The following DES variants were observed in gnomAD, a reference collection of about 807,000 sequenced individuals.
The protein encoded by DES is cardiomyopathy, dilated 1F (autosomal dominant).
Under a neutral mutation model 55.1 loss-of-function variants are expected in DES, and 34 were observed. The observed-to-expected ratio is 0.62, with a 90% CI of 0.47 to 0.82. DES has a LOEUF of 0.82. Among genes scored for constraint, DES ranks in the 40% least tolerant of loss-of-function variants. The pLI, the probability that DES is intolerant of heterozygous loss-of-function variation, is 0.00. For synonymous variants in DES, 259 were observed against 270.8 expected, an observed-to-expected ratio of 0.96 and a Z score of 0.43; for missense variants, 596 against 645.9, an observed-to-expected ratio of 0.92 and a Z score of 0.84.
chr2:219,420,109 T>C lies in DES; in HGVS notation c.593T>C (p.Ile198Thr), dbSNP rs773271116. Residue 198 changes from isoleucine (I) to threonine (T), a missense_variant, in exon 2 of 9, where the codon ATT becomes ACT. Ile to Thr is a moderately conservative substitution (Grantham distance 89). Transcript: ENST00000373960. The surrounding 1 kb of genome is among the most constrained non-coding windows in gnomAD (Gnocchi z 6.0). ...GTCCCACCCAGGCTGCAGGAGGAGA[T>C]TCAGTTGAAGGAAGAAGCAGAGAAC... is the stretch of plus-strand genomic sequence containing the variant. ...QRLKAKLQEE[I>T]QLKEEAENNL... The C allele has an allele frequency of 2.5e-6, 4 of 1,614,082 alleles. No homozygotes were observed. The East Asian group carries it at 6.7e-5, about 27-fold the overall frequency.
At position 219,426,215 on chromosome 2, in the gene DES, G is replaced by A; in HGVS notation, c.*225G>A. 1 of 648,586 alleles carries A rather than the reference G, an allele frequency of 1.5e-6. No homozygotes were observed. The highest frequency in any genetic ancestry group is 1.8e-5 in the South Asian group (1 of 56,978). 40.2% of individuals were successfully genotyped at this position (648,586 alleles called of 1,614,324 possible). A position where few individuals can be genotyped will look rare whatever the true frequency, so the allele number is the denominator to read the frequency against. On this transcript the variant is annotated 3_prime_UTR_variant, in exon 9 of 9. Coordinates refer to ENST00000373960, the MANE Select transcript of DES (RefSeq NM_001927.4). The surrounding 1 kb of genome is among the most constrained non-coding windows in gnomAD (Gnocchi z 4.5). ...CCACCTCTGCGGACCCCAGCTGTGA[G>A]CCTTGGCTGTTGGCAGTGAGTGAGC... is the stretch of plus-strand genomic sequence containing the variant.
chr2:219,419,994 CG>C lies in DES; in HGVS notation c.579-100del, dbSNP rs1954403146. 3 of 1,266,138 alleles carry C rather than the reference CG, an allele frequency of 2.4e-6. No individual in the cohort carries two copies. In the Admixed American group the frequency reaches 5.1e-5, roughly 22 times the overall value. 78.4% of individuals were successfully genotyped at this position (1,266,138 alleles called of 1,614,324 possible). On this transcript the variant is annotated intron_variant, in intron 1 of 8. Transcript: ENST00000373960. The surrounding 1 kb of genome is among the most constrained non-coding windows in gnomAD (Gnocchi z 4.3). ...CCTCTACCCAGCAGCCAGGCCCTCC[CG>C]CTCTGTCCTGGACCCACCCCCTGGT...
rs1954542809 is a variant in DES at position 219,426,600 on chromosome 2, G to A, written c.*610G>A. ...ATTGAGAAGGAGAGAAAGTGGGTGA[G>A]ATGCTGGAGAAGAGAGGAGAGGAGA... On this transcript the variant is annotated 3_prime_UTR_variant, in exon 9 of 9. Transcript: ENST00000373960. The surrounding 1 kb of genome is among the most constrained non-coding windows in gnomAD (Gnocchi z 4.5). 1 of 169,496 alleles carries A rather than the reference G, an allele frequency of 5.9e-6. No homozygotes were observed. Among genetic ancestry groups the A allele is most frequent in the Admixed American group, 5.5e-5 (1 of 18,190 alleles). 10.5% of individuals were successfully genotyped at this position (169,496 alleles called of 1,614,324 possible).
At chr2:219,421,309 T>C (rs764104303) in intron 5 of DES, 31 bp from the exon 6 acceptor site, 2 of 1,612,950 alleles carry the variant, frequency 1.2e-6, no homozygotes, top group Non-Finnish European at 1.7e-6. Flanking sequence ...TCCTCTTCCC[T>C]TCCTTGACCT....
Position 219,418,630 on chromosome 2 carries a change from G to A in DES, c.168G>A (p.Val56=), listed in dbSNP as rs761446587. 6.2e-7 allele frequency: 1 copy of A among 1,600,144 alleles called. No individual in the cohort carries two copies. Among genetic ancestry groups the A allele is most frequent in the Non-Finnish European group, 8.5e-7 (1 of 1,173,806 alleles). Residue 56 remains valine, a synonymous_variant, in exon 1 of 9, where the codon GTG becomes GTA. Transcript: ENST00000373960. ...SSSVTSRVYQ[V]SRTSGGAGGL... is the part of the protein sequence containing the mutation. ...CGGTGACGTCCCGCGTGTACCAGGT[G>A]TCGCGCACGTCGGGCGGGGCCGGGG...
In DES at chr2:219,418,471, G is replaced by A. The variant is rs1262196309; in HGVS notation, c.9G>A (p.Gln3=). 4 of 1,596,178 alleles carry A rather than the reference G, an allele frequency of 2.5e-6. No homozygotes were observed. The highest frequency in any genetic ancestry group is 3.4e-6 in the Non-Finnish European group (4 of 1,176,756). Residue 3 remains glutamine (Q), a synonymous_variant, in exon 1 of 9, where the codon CAG becomes CAA. Transcript: ENST00000373960. Reference sequence around the variant, plus strand: ...TCGCCCGCGCCGTCACCATGAGCCAGGCCTACTCGTCCAGCCAGCGCGTGT... The same window carrying A: ...TCGCCCGCGCCGTCACCATGAGCCAAGCCTACTCGTCCAGCCAGCGCGTGT... MS[Q]AYSSSQRVSS...
At position 219,420,673 on chromosome 2, in the gene DES, G is replaced by A. The variant is rs137945254; in HGVS notation, c.897+17G>A. 2.2e-5 allele frequency: 36 copies of A among 1,613,914 alleles called. No homozygotes were observed. Among genetic ancestry groups the A allele is most frequent in the Middle Eastern group, 1.7e-4 (1 of 6,060 alleles). On this transcript the variant is annotated intron_variant, in intron 4 of 8. Transcript: ENST00000373960. The surrounding 1 kb of genome is among the most constrained non-coding windows in gnomAD (Gnocchi z 6.0). ...AAGTCGAAGGTGGGTGGCCTCGCCCGGGGACTGGCATCTCCGTCCCCCTGA... is the reference window on the plus strand; with the variant it reads ...AAGTCGAAGGTGGGTGGCCTCGCCCAGGGACTGGCATCTCCGTCCCCCTGA...
chr2:219,424,546 A>G (rs1463819839), intron 7 of DES, among the ~76,000 whole-genome samples: 1 of 152,246 alleles, frequency 6.6e-6, no homozygotes, highest in African/African-American at 2.4e-5. Context: ...CACAACATTC[A>G]TCACAGGCTG....
At chr2:219,425,313 C>T (rs1405360218) in intron 7 of DES, 3 of 347,230 alleles carry the variant, frequency 8.6e-6, no homozygotes, top group Admixed American at 3.9e-5. Context: ...GTGCAGGGCT[C>T]TCCTGGGGCC....
Position 219,420,003 on chromosome 2 carries a change from C to G in DES, c.579-92C>G. The G allele has an allele frequency of 7.1e-7, 1 of 1,408,406 alleles. No homozygotes were observed. Among genetic ancestry groups the G allele is most frequent in the Non-Finnish European group, 1.0e-6 (1 of 995,106 alleles). The allele number at this position is 1,408,406 out of a possible 1,614,324, so 87.2% of individuals were successfully genotyped here. On this transcript the variant is annotated intron_variant, in intron 1 of 8. Coordinates refer to ENST00000373960, the MANE Select transcript of DES (RefSeq NM_001927.4). This position sits in a 1 kb window ranked among gnomAD's most constrained non-coding sequence, Gnocchi z 6.0. ...AGCAGCCAGGCCCTCCCGCTCTGTC[C>G]TGGACCCACCCCCTGGTCAGCCCCC...
rs1306876093 is a variant in DES, at chr2:219,420,719, C to T, written c.897+63C>T. On this transcript the variant is annotated intron_variant, in intron 4 of 8. Coordinates refer to ENST00000373960, the MANE Select transcript of DES (RefSeq NM_001927.4). The surrounding 1 kb of genome is among the most constrained non-coding windows in gnomAD (Gnocchi z 6.0). ...CCTGAATCCCAGCTTGGATGTGCTGCCTGTGGTACCATCCATGGGAGGAGA... is the reference window on the plus strand; with the variant it reads ...CCTGAATCCCAGCTTGGATGTGCTGTCTGTGGTACCATCCATGGGAGGAGA... 1.2e-6 allele frequency: 2 copies of T among 1,613,220 alleles called. No individual in the cohort carries two copies.
At chr2:219,421,076 G>A (rs1033944243) in intron 5 of DES, 123 bp downstream of exon 5, 1 of 1,403,172 alleles carries the variant, frequency 7.1e-7, no homozygotes, top group African/African-American at 1.4e-5. Context: ...TCTACAATAG[G>A]GGTAAAACCA....
Position 219,425,653 on chromosome 2 carries a change from CCT to C in DES, c.1289-9_1289-8del. ...TGGTCAGGCTGAGTGTGCGATGGAC[CCT>C]GTTACAGAAACCAGCCCTGAGCAAA... is the stretch of plus-strand genomic sequence containing the variant. On this transcript the variant is annotated splice_region_variant and splice_polypyrimidine_tract_variant and intron_variant, in intron 7 of 8. Coordinates refer to ENST00000373960, the MANE Select transcript of DES (RefSeq NM_001927.4). The C allele has an allele frequency of 6.4e-7, 1 of 1,564,946 alleles. No homozygotes were observed. Among genetic ancestry groups the C allele is most frequent in the East Asian group, 2.4e-5 (1 of 42,216 alleles).
In DES at chr2:219,421,405, C is replaced by T. The variant is rs766531033; in HGVS notation, c.1089C>T (p.Tyr363=). 1 of 1,613,966 alleles carries T rather than the reference C, an allele frequency of 6.2e-7. No homozygotes were observed. Among genetic ancestry groups the T allele is most frequent in the Admixed American group, 1.7e-5 (1 of 60,016 alleles). ...EDRFASEASG[Y]QDNIARLEEE... ...GATTTGCCAGTGAGGCCAGTGGCTA[C>T]CAGGACAACATTGCGCGCCTGGAGG... The change falls in exon 6 of 9, where the codon TAC becomes TAT. Residue 363 remains tyrosine, a synonymous_variant. Transcript: ENST00000373960.
intron 7 of DES, 135 bp downstream of exon 7, chr2:219,423,955 G>A (rs1468751837): frequency 2.0e-6 from 2 of 980,060 alleles, no homozygotes; most frequent in African/African-American, 1.6e-5. Context: ...GAAGAAAAAG[G>A]GGACCACTGC....
At chr2:219,422,018 C>T (rs762571998) in intron 6 of DES, among the ~76,000 whole-genome samples, 3 of 152,114 alleles carry the variant, frequency 2.0e-5, no homozygotes, top group Non-Finnish European at 4.4e-5. Context: ...AGAGAATTAA[C>T]CAAGGCCACC....
At position 219,418,681 on chromosome 2, in the gene DES, G is replaced by A; in HGVS notation, c.219G>A (p.Arg73=). Residue 73 remains arginine (R), a synonymous_variant, in exon 1 of 9, where the codon CGG becomes CGA. Transcript: ENST00000373960. The part of the protein sequence containing the change: ...AGGLGSLRAS[R]LGTTRTPSSY... ...GCCTGGGGTCGCTGCGGGCCAGCCG[G>A]CTGGGGACCACCCGCACGCCCTCCT... 6.3e-7 allele frequency: 1 copy of A among 1,576,454 alleles called. No homozygotes were observed.
Position 219,421,446 on chromosome 2 carries a change from T to C in DES, c.1130T>C (p.Leu377Pro), listed in dbSNP as rs1432061016. ...CGCCTGGAGGAGGAAATCCGGCACC[T>C]CAAGGATGAGATGGCCCGCCATCTG... ...IARLEEEIRH[L>P]KDEMARHLRE... Residue 377 changes from leucine to proline, a missense_variant, in exon 6 of 9, where the codon CTC (leucine) becomes CCC (proline). Physicochemically the swap from Leu to Pro is moderately conservative, Grantham distance 98. Transcript: ENST00000373960. 6.2e-7 allele frequency: 1 copy of C among 1,614,078 alleles called. No homozygotes were observed.
chr2:219,420,854 C>T lies in DES; in HGVS notation c.924C>T (p.Asn308=), dbSNP rs578191306. ...SKVSDLTQAA[N]KNNDALRQAK... The stretch of plus-strand genomic sequence containing the variant: ...TGTCAGACCTGACCCAGGCAGCCAA[C>T]AAGAACAACGACGCCCTGCGCCAGG... The change falls in exon 5 of 9, where the codon AAC becomes AAT. Residue 308 remains asparagine (N), a synonymous_variant. Transcript: ENST00000373960. The surrounding 1 kb of genome is among the most constrained non-coding windows in gnomAD (Gnocchi z 6.0). 1.5e-4 allele frequency: 246 copies of T among 1,613,808 alleles called. 3 individuals carry two copies. In the South Asian group the frequency reaches 2.4e-3, roughly 16 times the overall value.
Sources: allele counts gnomAD v4.1 joint callset (sites outside exome capture counted in the v4.1 genomes callset), GRCh38; gene constraint gnomAD v4.1.1; non-coding constraint Gnocchi (gnomAD v3.1); transcripts MANE v1.5; gene names NCBI Gene and HGNC (gene_info 2026-07-23, HGNC 2026-07-21).